ATRX: variants seen among roughly 807,000 people sequenced by gnomAD.
ATRX encodes the protein chromatin remodeler ATRX.
ATRX carries 12 observed loss-of-function variants against 172.6 expected under a neutral mutation model. The ratio of observed to expected loss-of-function variants is 0.07; its 90% CI spans 0.04 to 0.11. ATRX has a LOEUF of 0.11. Among genes scored for constraint, ATRX ranks in the 10% least tolerant of loss-of-function variants. The probability of loss-of-function intolerance (pLI) is 1.00; values close to 1 mark genes in which losing one functional copy is unlikely to be tolerated. For synonymous variants in ATRX, 674 were observed against 594.7 expected, an observed-to-expected ratio of 1.13 and a Z score of -1.94; for missense variants, 1,368 against 1,767.4, an observed-to-expected ratio of 0.77 and a Z score of 4.05.
At chrX:77,526,996 A>G (rs1047788913) in intron 30 of ATRX, among the ~76,000 whole-genome samples, 1 of 112,666 alleles carries the variant, frequency 8.9e-6, no homozygotes, top group Non-Finnish European at 1.9e-5. Context: ...TTTGTTTTCT[A>G]TCTTAAAAAG....
chrX:77,779,091 A>ATTTTTTTT (rs1169146207), intron 1 of ATRX, among the ~76,000 whole-genome samples: 113 of 62,729 alleles, frequency 1.8e-3, no homozygotes, highest in African/African-American at 3.3e-3. Context: ...CCATGCCCGG[A>ATTTTTTTT]TTTTTTTTTT....
chrX:77,697,685 T>C (rs782110788), intron 3 of ATRX, 50 bp from the exon 4 acceptor site: 2 of 1,077,143 alleles, frequency 1.9e-6, no homozygotes, highest in East Asian at 3.0e-5. Flanking sequence ...CGAAACGGCA[T>C]CCCTACAATT....
intron 30 of ATRX, among the ~76,000 whole-genome samples, chrX:77,541,026 G>A (rs959386272): frequency 9.0e-6 from 1 of 111,647 alleles, no homozygotes; most frequent in African/African-American, 3.3e-5. Flanking sequence ...AATGAATCCA[G>A]GAGCTGGTTG....
chrX:77,779,050 C>T lies in ATRX; in HGVS notation c.20+6932G>A, dbSNP rs1344884128. On this transcript the variant is annotated intron_variant, in intron 1 of 34. Transcript: ENST00000373344. ...TCACGAAGTTCTCCTGCCTCAACTT[C>T]CCGAGCAGCTGGCACTACAGGCGCC... Among the ~76,000 whole-genome samples, 8 of 106,753 alleles carry T rather than the reference C, an allele frequency of 7.5e-5. No homozygotes were observed. The Admixed American group carries it at 8.1e-4, about 11-fold the overall frequency. The allele number at this position is 106,753 out of a possible 115,157, so 92.7% of individuals were successfully genotyped here.
At chrX:77,771,194 T>C (rs1484650695) in intron 1 of ATRX, among the ~76,000 whole-genome samples, 1 of 110,449 alleles carries the variant, frequency 9.1e-6, no homozygotes, top group Non-Finnish European at 1.9e-5. Flanking sequence ...CTGGCCAACA[T>C]GGTGAAACCC....
intron 19 of ATRX, among the ~76,000 whole-genome samples, chrX:77,621,055 A>C (rs1332645665): frequency 9.0e-6 from 1 of 111,617 alleles, no homozygotes; most frequent in Admixed American, 9.5e-5. Flanking sequence ...CTGGGGAAAA[A>C]TTTTAACTGA....
At chrX:77,639,892 T>C (rs1697786070) in intron 15 of ATRX, among the ~76,000 whole-genome samples, 1 of 112,481 alleles carries the variant, frequency 8.9e-6, no homozygotes, top group Non-Finnish European at 1.9e-5. Context: ...CATAAGTTCA[T>C]TGCCATGCTA....
chrX:77,613,695 T>C (rs936571133), intron 22 of ATRX, among the ~76,000 whole-genome samples: 1 of 112,382 alleles, frequency 8.9e-6, no homozygotes. Context: ...GGGACAACTA[T>C]ATTCTGCATG....
chrX:77,582,725 G>A (rs184171555), intron 27 of ATRX, among the ~76,000 whole-genome samples: 2 of 111,482 alleles, frequency 1.8e-5, no homozygotes, highest in South Asian at 3.8e-4. Context: ...ACTATATGCC[G>A]ATAAATTGGA....
chrX:77,749,858 G>A (rs2075233535), intron 1 of ATRX, among the ~76,000 whole-genome samples: 1 of 110,698 alleles, frequency 9.0e-6, no homozygotes, highest in South Asian at 3.8e-4. Context: ...TATATACGCT[G>A]CCTGCCCATT....
At chrX:77,720,062 C>T (rs1346048300) in intron 1 of ATRX, among the ~76,000 whole-genome samples, 1 of 111,819 alleles carries the variant, frequency 8.9e-6, no homozygotes, top group Non-Finnish European at 1.9e-5. Context: ...AACTGAACAA[C>T]CTGCCCCTGA....
chrX:77,524,168 G>A (rs1221382340), intron 30 of ATRX, among the ~76,000 whole-genome samples: 1 of 111,174 alleles, frequency 9.0e-6, no homozygotes, highest in African/African-American at 3.3e-5. Flanking sequence ...AGATGGGGTG[G>A]GGGTTTAAAG....
In ATRX at chrX:77,653,975, A is replaced by C. The variant is rs781922578; in HGVS notation, c.4317+123T>G. On this transcript the variant is annotated intron_variant, in intron 14 of 34. Transcript: ENST00000373344. The stretch of plus-strand genomic sequence containing the variant: ...TATATTCAATAACCAATCCTTCCAC[A>C]AGTGTAAAATGTAAATAAGCCAGTA... 1.1e-5 allele frequency: 6 copies of C among 546,400 alleles called. No individual in the cohort carries two copies. In the African/African-American group the frequency reaches 1.2e-4, roughly 10 times the overall value. 45.0% of individuals were successfully genotyped at this position (546,400 alleles called of 1,213,427 possible).
intron 1 of ATRX, among the ~76,000 whole-genome samples, chrX:77,722,213 A>T (rs782508527): frequency 1.8e-5 from 2 of 111,700 alleles, no homozygotes; most frequent in Non-Finnish European, 3.8e-5. Context: ...ACCTAAAACC[A>T]TAAAAACCCT....
intron 28 of ATRX, among the ~76,000 whole-genome samples, chrX:77,566,235 G>A (rs148487094): frequency 1.8e-3 from 200 of 111,111 alleles, no homozygotes; most frequent in African/African-American, 6.1e-3. Flanking sequence ...TTCCAAAAAC[G>A]TAGAAAAATA....
At chrX:77,710,250 G>C (rs1336486981) in intron 2 of ATRX, among the ~76,000 whole-genome samples, 1 of 106,023 alleles carries the variant, frequency 9.4e-6, no homozygotes, top group Non-Finnish European at 1.9e-5. Flanking sequence ...AGTGAGTCAA[G>C]ATCATGCCAC....
In ATRX at chrX:77,684,083, C is replaced by T. The variant is rs1557142206; in HGVS notation, c.1173G>A (p.Gln391=). The change falls in exon 9 of 35, where the codon CAG becomes CAA. Residue 391 remains glutamine (Q), a synonymous_variant. Transcript: ENST00000373344. ...CCAACACAGACTTAAAAGCCTTAAG[C>T]TGACGTAATTTTGTAGCAGAACTGA... ...SEISSATKLR[Q]LKAFKSVLAD... is the part of the protein sequence containing the mutation. 1 of 1,208,953 alleles carries T rather than the reference C, an allele frequency of 8.3e-7. No individual in the cohort carries two copies. The highest frequency in any genetic ancestry group is 3.0e-5 in the East Asian group (1 of 33,846).
rs782638985 is a variant in ATRX at position 77,619,997 on chromosome X, T to C, written c.5272+398A>G. On this transcript the variant is annotated intron_variant, in intron 20 of 34. Transcript: ENST00000373344. ...AACCTCTCCTTCTCCCATCTCCACT[T>C]TACTAAAATGTTCACAGTTCCCATT... 8.9e-5 allele frequency among the ~76,000 whole-genome samples: 10 copies of C among 111,803 alleles called. No individual in the cohort carries two copies. In the South Asian group the frequency reaches 3.7e-3, roughly 42 times the overall value.
At chrX:77,522,480 C>T (rs2063263313) in intron 31 of ATRX, 92 bp from the exon 32 acceptor site, 1 of 988,612 alleles carries the variant, frequency 1.0e-6, no homozygotes, top group South Asian at 2.0e-5. Context: ...TCCACATTCT[C>T]AGATCCAGGA....
Sources: allele counts gnomAD v4.1 joint callset (sites outside exome capture counted in the v4.1 genomes callset), GRCh38; gene constraint gnomAD v4.1.1; transcripts MANE v1.5; gene names NCBI Gene and HGNC (gene_info 2026-07-23, HGNC 2026-07-21).